Variants in CACUL1 observed in about 807,000 individuals in gnomAD.
The protein encoded by CACUL1 is CDK2 associated cullin domain 1, also known as CDK2-associated and cullin domain-containing protein 1.
Under a neutral mutation model 45.2 loss-of-function variants are expected in CACUL1, and 13 were observed. The ratio of observed to expected loss-of-function variants is 0.29; its 90% confidence interval spans 0.19 to 0.46. CACUL1 has a LOEUF of 0.46. Ranked by LOEUF, CACUL1 falls within the 20% of genes least tolerant of loss-of-function variation. The pLI is 1.00. For synonymous variants in CACUL1, 197 were observed against 174.2 expected (o/e 1.13, Z -1.03); for missense variants, 421 against 471.4 (o/e 0.89, Z 0.99).
At chr10:118,742,712 A>C (rs368395660) in intron 1 of CACUL1, among the ~76,000 whole-genome samples, 24 of 152,270 alleles carry the variant, frequency 1.6e-4, no homozygotes, top group East Asian at 9.6e-4. Flanking sequence ...ATATTACCTG[A>C]AACCTCACAA....
chr10:118,709,018 T>G (rs1021198624), intron 3 of CACUL1, among the ~76,000 whole-genome samples: 1 of 152,200 alleles, frequency 6.6e-6, no homozygotes, highest in Non-Finnish European at 1.5e-5. Context: ...CTACCAATAT[T>G]GCCTACTGTT....
chr10:118,693,858 T>A, intron 6 of CACUL1: 1 of 407,298 alleles, frequency 2.5e-6, no homozygotes, highest in Admixed American at 3.1e-5. Flanking sequence ...AAACCCTAGA[T>A]CCAAATTTAA....
Position 118,754,585 on chromosome 10 carries a change from C to T in CACUL1, c.178G>A (p.Val60Met), listed in dbSNP as rs558265083. ...TTCCTGTCCACGGAGACCGCGGGCA[C>T]CGCCAGCAGCTGCCCCCCCGGAGGC... ...REPPGGQLLA[V>M]PAVSVDRKGP... Residue 60 changes from valine (V) to methionine (M), a missense_variant, in exon 1 of 9, where the codon GTG (valine) becomes ATG (methionine). Val to Met is a conservative substitution (Grantham distance 21). Around this residue, in one of 2 missense-constraint regions of CACUL1, gnomAD observed 213 missense variants for 173.1 expected, o/e 1.23. Coordinates refer to ENST00000369151, the MANE Select transcript of CACUL1 (RefSeq NM_153810.5). The T allele has an allele frequency of 6.2e-7, 1 of 1,609,314 alleles. No homozygotes were observed.
In CACUL1 at chr10:118,754,696, TGTG is replaced by T; in HGVS notation, c.64_66del (p.His22del). The T allele has an allele frequency of 6.2e-7, 1 of 1,608,184 alleles. No individual in the cohort carries two copies. The highest frequency in any genetic ancestry group is 8.5e-7 in the Non-Finnish European group (1 of 1,177,814). On this transcript the variant is annotated inframe_deletion, in exon 1 of 9. Coordinates refer to ENST00000369151, the MANE Select transcript of CACUL1 (RefSeq NM_153810.5). ...CCGTCCACCGCAGCCTCCCAGTTGT[TGTG>T]GTTCTGGTCGTCCATCATCGCCTCG...
rs766609538 is a variant in CACUL1, at chr10:118,726,449, A to G, written c.597+2846T>C. ...AACACGATAGAGTCCCTCCCCCTCA[A>G]GGAAGGGCCTGTGAAGTAGTCAGAC... is the stretch of plus-strand genomic sequence containing the variant. On this transcript the variant is annotated intron_variant, in intron 3 of 8. Transcript: ENST00000369151. The G allele has an allele frequency of 5.4e-4, 275 of 507,832 alleles. 1 individual carries two copies. The highest frequency in any genetic ancestry group is 3.5e-4 in the Middle Eastern group (1 of 2,890). 31.5% of individuals were successfully genotyped at this position (507,832 alleles called of 1,614,324 possible). A position where few individuals can be genotyped will look rare whatever the true frequency, so the allele number is the denominator to read the frequency against.
chr10:118,722,083 T>TC (rs1845606027), intron 3 of CACUL1, among the ~76,000 whole-genome samples: 1 of 148,638 alleles, frequency 6.7e-6, no homozygotes, highest in South Asian at 2.1e-4. Context: ...AAACAAACTT[T>TC]TTTTTTTTTT....
intron 1 of CACUL1, among the ~76,000 whole-genome samples, chr10:118,731,392 T>C (rs1231354191): frequency 6.6e-6 from 1 of 152,232 alleles, no homozygotes; most frequent in Non-Finnish European, 1.5e-5. Context: ...ATTATCGATT[T>C]CCACACCTTA....
chr10:118,724,211 GTGT>G (rs1348733685), intron 3 of CACUL1, among the ~76,000 whole-genome samples: 4 of 152,144 alleles, frequency 2.6e-5, no homozygotes, highest in African/African-American at 9.7e-5. Flanking sequence ...ACCCCCACAA[GTGT>G]TGTCAAAGCT....
At chr10:118,742,248 G>A (rs565985416) in intron 1 of CACUL1, among the ~76,000 whole-genome samples, 389 of 152,228 alleles carry the variant, frequency 2.6e-3, no homozygotes, top group Non-Finnish European at 4.6e-3. Flanking sequence ...GTTAATAACC[G>A]AATGTCCACA....
chr10:118,725,323 C>T lies in CACUL1; in HGVS notation c.597+3972G>A, dbSNP rs530242461. 2.0e-5 allele frequency among the ~76,000 whole-genome samples: 3 copies of T among 152,170 alleles called. No homozygotes were observed. The South Asian group carries it at 6.2e-4, about 32-fold the overall frequency. ...CCTCTACAAGAAATACAAAAATTAG[C>T]TAGGCATGGTGGTGCACACCTGTAG... On this transcript the variant is annotated intron_variant, in intron 3 of 8. Coordinates refer to ENST00000369151, the MANE Select transcript of CACUL1 (RefSeq NM_153810.5).
In CACUL1 at chr10:118,684,865, T is replaced by C. The variant is rs1845188643; in HGVS notation, c.*1263A>G. Reference sequence around the variant, plus strand: ...ATGCTCAATTAAGATTCAAGCAAAATTGAGAAGAAAAGTATTTTTCTCTTG... The same window carrying C: ...ATGCTCAATTAAGATTCAAGCAAAACTGAGAAGAAAAGTATTTTTCTCTTG... On this transcript the variant is annotated 3_prime_UTR_variant, in exon 9 of 9. Coordinates refer to ENST00000369151, the MANE Select transcript of CACUL1 (RefSeq NM_153810.5). 1 of 152,210 alleles carries C rather than the reference T, an allele frequency of 6.6e-6. No individual in the cohort carries two copies. Among genetic ancestry groups the C allele is most frequent in the Admixed American group, 6.5e-5 (1 of 15,286 alleles). The allele number at this position is 152,210 out of a possible 1,614,324, so 9.4% of individuals were successfully genotyped here.
At chr10:118,719,987 T>C (rs1845585746) in intron 3 of CACUL1, among the ~76,000 whole-genome samples, 1 of 152,190 alleles carries the variant, frequency 6.6e-6, no homozygotes, top group Admixed American at 6.5e-5. Context: ...TAGACACTTC[T>C]CATATAAACT....
chr10:118,698,364 G>A (rs1315802452), intron 5 of CACUL1, among the ~76,000 whole-genome samples: 5 of 151,998 alleles, frequency 3.3e-5, no homozygotes, highest in Non-Finnish European at 5.9e-5. Context: ...GGCTGGTCTC[G>A]ATCTCCTGAC....
At chr10:118,698,919 T>TG (rs11437660) in intron 5 of CACUL1, among the ~76,000 whole-genome samples, 120,882 of 152,116 alleles carry the variant, frequency 0.79, 48,132 homozygotes, top group Admixed American at 0.83. Context: ...TGTAGTTATT[T>TG]TTTTGCTGCA....
rs146714260 is a variant in CACUL1 at position 118,726,445 on chromosome 10, C to A, written c.597+2850G>T. On this transcript the variant is annotated intron_variant, in intron 3 of 8. Coordinates refer to ENST00000369151, the MANE Select transcript of CACUL1 (RefSeq NM_153810.5). ...GACAAACACGATAGAGTCCCTCCCC[C>A]TCAAGGAAGGGCCTGTGAAGTAGTC... 2.6e-5 allele frequency: 14 copies of A among 547,680 alleles called. No individual in the cohort carries two copies. The East Asian group carries it at 7.2e-4, about 28-fold the overall frequency. 33.9% of individuals were successfully genotyped at this position (547,680 alleles called of 1,614,324 possible).
At position 118,685,407 on chromosome 10, in the gene CACUL1, T is replaced by TAA. The variant is rs1244080336; in HGVS notation, c.*719_*720dup. 7.8e-6 allele frequency: 1 copy of TAA among 128,264 alleles called. No homozygotes were observed. The highest frequency in any genetic ancestry group is 1.8e-5 in the Non-Finnish European group (1 of 56,546). The allele number at this position is 128,264 out of a possible 1,614,324, so 7.9% of individuals were successfully genotyped here. The stretch of plus-strand genomic sequence containing the variant: ...TGCAAAAGGTTTCTATTTTCCCACT[T>TAA]AATTAGCATCCTGCTACAGGGCCAC... On this transcript the variant is annotated 3_prime_UTR_variant, in exon 9 of 9. Coordinates refer to ENST00000369151, the MANE Select transcript of CACUL1 (RefSeq NM_153810.5).
At chr10:118,740,749 A>ACCC (rs1372248615) in intron 1 of CACUL1, among the ~76,000 whole-genome samples, 4 of 151,974 alleles carry the variant, frequency 2.6e-5, no homozygotes, top group Non-Finnish European at 4.4e-5. Context: ...ACACGGTGAA[A>ACCC]CCCCGTCTCT....
In CACUL1 at chr10:118,681,244, A is replaced by C. The variant is rs1193442826; in HGVS notation, c.*4884T>G. The stretch of plus-strand genomic sequence containing the variant: ...ACTAGGAACAAGACTTCATTGCTTC[A>C]TCCTTGCTCTGGCTGTGCTAGTGAG... On this transcript the variant is annotated 3_prime_UTR_variant, in exon 9 of 9. Transcript: ENST00000369151. 6.6e-6 allele frequency: 1 copy of C among 152,264 alleles called. No homozygotes were observed. The highest frequency in any genetic ancestry group is 1.5e-5 in the Non-Finnish European group (1 of 68,050). The allele number at this position is 152,264 out of a possible 1,614,324, so 9.4% of individuals were successfully genotyped here.
Position 118,750,058 on chromosome 10 carries a change from G to A in CACUL1, c.367+4338C>T, listed in dbSNP as rs143926301. Among the ~76,000 whole-genome samples, 616 of 152,378 alleles carry A rather than the reference G, an allele frequency of 4.0e-3. 7 individuals carry two copies. The highest frequency in any genetic ancestry group is 0.014 in the African/African-American group (596 of 41,590). ...ATAAGAAAGGAGGGCCGGGCGTGGT[G>A]GCTCACGCCTGTAATCCCAGCACTT... is the stretch of plus-strand genomic sequence containing the variant. On this transcript the variant is annotated intron_variant, in intron 1 of 8. Transcript: ENST00000369151.
Sources: allele counts gnomAD v4.1 joint callset (sites outside exome capture counted in the v4.1 genomes callset), GRCh38; gene constraint gnomAD v4.1.1; regional missense constraint gnomAD v4.1.1; transcripts MANE v1.5; gene names NCBI Gene and HGNC (gene_info 2026-07-23, HGNC 2026-07-21).